Variants in KCNH1 observed in about 807,000 individuals in gnomAD.
KCNH1 encodes voltage-gated delayed rectifier potassium channel KCNH1.
KCNH1 carries 27 observed loss-of-function variants against 69.2 expected under a neutral mutation model. That is an observed-to-expected ratio of 0.39 (90% CI 0.29 to 0.54). The LOEUF is 0.54. KCNH1 is among the 20% of genes least tolerant of loss of function. The pLI is 0.68. For missense variants in KCNH1, 798 were observed against 1,261.6 expected, an observed-to-expected ratio of 0.63 and a Z score of 5.57; for synonymous variants, 456 against 487.7, an observed-to-expected ratio of 0.93 and a Z score of 0.86.
At chr1:211,047,449 G>C (rs1690113396) in intron 5 of KCNH1, among the ~76,000 whole-genome samples, 2 of 152,150 alleles carry the variant, frequency 1.3e-5, no homozygotes, top group Admixed American at 6.6e-5. Context: ...GTGGGGACAC[G>C]CTTACAGAGA....
intron 7 of KCNH1, among the ~76,000 whole-genome samples, chr1:210,811,686 G>A (rs1186931727): frequency 3.3e-5 from 5 of 152,232 alleles, no homozygotes; most frequent in East Asian, 1.9e-4. Flanking sequence ...GCTTTGGCCC[G>A]ATGTGCCCCA....
At chr1:211,053,390 G>A (rs1690243393) in intron 5 of KCNH1, among the ~76,000 whole-genome samples, 1 of 152,138 alleles carries the variant, frequency 6.6e-6, no homozygotes, top group South Asian at 2.1e-4. Context: ...CAGACCAAGA[G>A]TTTTTCAGAA....
chr1:211,110,101 A>G (rs1188382341), intron 1 of KCNH1, among the ~76,000 whole-genome samples: 2 of 152,092 alleles, frequency 1.3e-5, no homozygotes, highest in African/African-American at 4.8e-5. Context: ...AAAGAACAAC[A>G]TGAGAAAAGG....
intron 6 of KCNH1, among the ~76,000 whole-genome samples, chr1:210,963,898 T>C (rs1357580896): frequency 2.6e-5 from 4 of 151,992 alleles, no homozygotes; most frequent in African/African-American, 4.8e-5. Context: ...ACTCCCCCAA[T>C]AGAGCAAGAC....
chr1:211,115,412 A>T (rs1271684819), intron 1 of KCNH1, among the ~76,000 whole-genome samples: 2 of 152,062 alleles, frequency 1.3e-5, no homozygotes, highest in Admixed American at 1.3e-4. Flanking sequence ...GCCAAAGGAG[A>T]TTAACATTTG....
chr1:211,071,663 ATAGAC>A, intron 5 of KCNH1, among the ~76,000 whole-genome samples: 1 of 152,362 alleles, frequency 6.6e-6, no homozygotes, highest in South Asian at 2.1e-4. Context: ...TAATAATAAA[ATAGAC>A]TAGTGTCTAC....
chr1:210,748,770 G>A (rs1683219093), intron 10 of KCNH1, among the ~76,000 whole-genome samples: 2 of 152,144 alleles, frequency 1.3e-5, no homozygotes, highest in Non-Finnish European at 2.9e-5. Flanking sequence ...CATCCTCCCT[G>A]GCTGGACTGT....
intron 7 of KCNH1, among the ~76,000 whole-genome samples, chr1:210,886,063 C>T (rs756130377): frequency 2.6e-5 from 4 of 152,218 alleles, no homozygotes; most frequent in Admixed American, 2.6e-4. Context: ...AGACTGCCTA[C>T]TCATGTGGGT....
intron 7 of KCNH1, among the ~76,000 whole-genome samples, chr1:210,844,148 G>T (rs1685484564): frequency 6.6e-6 from 1 of 152,026 alleles, no homozygotes; most frequent in Non-Finnish European, 1.5e-5. Context: ...CTGGGGCAAG[G>T]GAAAAAACAC....
At chr1:210,705,886 T>C (rs1314203553) in intron 10 of KCNH1, among the ~76,000 whole-genome samples, 5 of 152,232 alleles carry the variant, frequency 3.3e-5, no homozygotes, top group Non-Finnish European at 5.9e-5. Flanking sequence ...AGGCCAGCCC[T>C]AAACAGTGTT....
intron 6 of KCNH1, among the ~76,000 whole-genome samples, chr1:210,981,413 A>G (rs1688708549): frequency 6.7e-6 from 1 of 149,630 alleles, no homozygotes; most frequent in Non-Finnish European, 1.5e-5. Flanking sequence ...TTATCACACC[A>G]TGGCTATATG....
chr1:210,729,200 G>T (rs1682682263), intron 10 of KCNH1, among the ~76,000 whole-genome samples: 1 of 152,148 alleles, frequency 6.6e-6, no homozygotes, highest in Non-Finnish European at 1.5e-5. Flanking sequence ...AGAGCACAGG[G>T]TACATTTATA....
intron 7 of KCNH1, among the ~76,000 whole-genome samples, chr1:210,806,832 A>T (rs1340196109): frequency 0.52 from 33,272 of 64,504 alleles, 8,554 homozygotes; most frequent in East Asian, 0.68. Context: ...AAAAAAAAAA[A>T]AAAAATATAT....
intron 6 of KCNH1, among the ~76,000 whole-genome samples, chr1:210,976,280 G>T (rs1344771457): frequency 2.0e-5 from 3 of 150,200 alleles, no homozygotes; most frequent in Admixed American, 1.4e-4. Context: ...AAATCATGCT[G>T]CTATAAAGAC....
At position 210,902,540 on chromosome 1, in the gene KCNH1, G is replaced by A. The variant is rs554902405; in HGVS notation, c.1462+17100C>T. Among the ~76,000 whole-genome samples, 41 of 152,258 alleles carry A rather than the reference G, an allele frequency of 2.7e-4. 1 individual carries two copies. Among genetic ancestry groups the A allele is most frequent in the Non-Finnish European group, 4.6e-4 (31 of 68,020 alleles). ...GATGTGCCCATTCATCATTGCTGCC[G>A]GGCAGCCCGTCTGTTTCCCACTGTT... On this transcript the variant is annotated intron_variant, in intron 7 of 10. Coordinates refer to ENST00000271751, the MANE Select transcript of KCNH1 (RefSeq NM_172362.3).
At chr1:211,085,432 T>C (rs1013966588) in intron 4 of KCNH1, among the ~76,000 whole-genome samples, 1 of 150,026 alleles carries the variant, frequency 6.7e-6, no homozygotes, top group South Asian at 2.1e-4. Flanking sequence ...GAGATACACA[T>C]GCCAATTTGC....
At chr1:210,849,188 A>G (rs1685627488) in intron 7 of KCNH1, among the ~76,000 whole-genome samples, 2 of 152,166 alleles carry the variant, frequency 1.3e-5, no homozygotes, top group Admixed American at 1.3e-4. Context: ...TAAACATTCT[A>G]CTATATGGAT....
chr1:210,686,667 C>G (rs1681415180), intron 10 of KCNH1, among the ~76,000 whole-genome samples: 1 of 152,156 alleles, frequency 6.6e-6, no homozygotes, highest in South Asian at 2.1e-4. Context: ...TTGCTCTTTT[C>G]CTGCCCTTTA....
chr1:210,779,718 T>A lies in KCNH1; in HGVS notation c.1916-4174A>T, dbSNP rs569985593. On this transcript the variant is annotated intron_variant, in intron 9 of 10. Coordinates refer to ENST00000271751, the MANE Select transcript of KCNH1 (RefSeq NM_172362.3). Reference sequence around the variant, plus strand: ...AAATACTAACATTCTAAATGGACATTCTGAGCTGGGAAAAAAAAAAGAAGG... The same window carrying A: ...AAATACTAACATTCTAAATGGACATACTGAGCTGGGAAAAAAAAAAGAAGG... Among the ~76,000 whole-genome samples the A allele has an allele frequency of 2.0e-5, 3 of 152,086 alleles. No homozygotes were observed. In the South Asian group the frequency reaches 6.2e-4, roughly 32 times the overall value.
Sources: allele counts gnomAD v4.1 joint callset (sites outside exome capture counted in the v4.1 genomes callset), GRCh38; gene constraint gnomAD v4.1.1; transcripts MANE v1.5; gene names NCBI Gene and HGNC (gene_info 2026-07-23, HGNC 2026-07-21).